Variants in RABGAP1L observed in about 807,000 individuals in gnomAD.
The protein encoded by RABGAP1L is rab GTPase-activating protein 1-like.
A neutral mutation model predicts 137.7 loss-of-function variants in RABGAP1L; 63 were observed. The ratio of observed to expected loss-of-function variants is 0.46; its 90% confidence interval spans 0.37 to 0.56. The LOEUF (loss-of-function observed/expected upper bound fraction) is 0.56, where lower values mean the gene tolerates loss of function less well. Among genes scored for constraint, RABGAP1L ranks in the 20% least tolerant of loss-of-function variants. The probability of loss-of-function intolerance (pLI) is 0.00; values close to 1 mark genes in which losing one functional copy is unlikely to be tolerated. For synonymous variants in RABGAP1L, 431 were observed against 433.7 expected, an observed-to-expected ratio of 0.99 and a Z score of 0.08; for missense variants, 1,095 against 1,244.0, an observed-to-expected ratio of 0.88 and a Z score of 1.80.
intron 18 of RABGAP1L, among the ~76,000 whole-genome samples, chr1:174,797,049 G>T (rs1474019037): frequency 1.3e-5 from 2 of 151,916 alleles, no homozygotes; most frequent in Non-Finnish European, 2.9e-5. Context: ...TTAATACATA[G>T]TATATATGAT....
intron 12 of RABGAP1L, among the ~76,000 whole-genome samples, chr1:174,375,769 G>A (rs755192467): frequency 3.9e-5 from 6 of 151,904 alleles, no homozygotes; most frequent in Non-Finnish European, 8.8e-5. Context: ...AAATATTTAA[G>A]AAAAAAATAA....
At chr1:174,791,423 A>G (rs1687853200) in intron 18 of RABGAP1L, among the ~76,000 whole-genome samples, 2 of 152,226 alleles carry the variant, frequency 1.3e-5, no homozygotes, top group South Asian at 4.1e-4. Flanking sequence ...GGAAGAAGGT[A>G]GAGACAATTC....
chr1:174,683,653 T>G (rs1174698686), intron 15 of RABGAP1L, 57 bp downstream of exon 15: 2 of 1,350,206 alleles, frequency 1.5e-6, no homozygotes, highest in African/African-American at 2.9e-5. Context: ...TTTTACTTTC[T>G]ACTGGCTTTG....
chr1:174,320,531 A>G (rs927527424), intron 11 of RABGAP1L, among the ~76,000 whole-genome samples: 1 of 152,192 alleles, frequency 6.6e-6, no homozygotes, highest in South Asian at 2.1e-4. Flanking sequence ...TGTTGCGGGA[A>G]GTCAGGGACC....
chr1:174,987,400 C>T (rs1415977063), intron 24 of RABGAP1L, among the ~76,000 whole-genome samples: 5 of 152,100 alleles, frequency 3.3e-5, no homozygotes, highest in African/African-American at 9.7e-5. Flanking sequence ...CTCTTGACCT[C>T]GTGATCCACC....
At chr1:174,988,600 T>C (rs1269371382) in intron 24 of RABGAP1L, 41 bp from the exon 25 acceptor site, 3 of 1,425,564 alleles carry the variant, frequency 2.1e-6, no homozygotes, top group Admixed American at 5.7e-5. Context: ...ATTTAGCCTA[T>C]GGAATAGTTT....
At chr1:174,289,752 T>G (rs1558103291) in intron 10 of RABGAP1L, among the ~76,000 whole-genome samples, 1 of 152,132 alleles carries the variant, frequency 6.6e-6, no homozygotes, top group Non-Finnish European at 1.5e-5. Context: ...GCTCTAAGGT[T>G]GGGTGGAGCT....
intron 19 of RABGAP1L, among the ~76,000 whole-genome samples, chr1:174,839,028 CGT>C (rs71726767): frequency 0.014 from 1,768 of 130,058 alleles, 34 homozygotes; most frequent in Non-Finnish European, 0.018. Context: ...AACTTTTTTA[CGT>C]GTGTGTGTGT....
intron 17 of RABGAP1L, among the ~76,000 whole-genome samples, chr1:174,724,568 T>C (rs1005138428): frequency 4.6e-5 from 7 of 152,200 alleles, no homozygotes; most frequent in African/African-American, 1.4e-4. Context: ...ACCAGAGATA[T>C]TCACTGAAAG....
intron 11 of RABGAP1L, among the ~76,000 whole-genome samples, chr1:174,349,268 C>A (rs1400171752): frequency 7.2e-6 from 1 of 138,128 alleles, no homozygotes; most frequent in Non-Finnish European, 1.6e-5. Flanking sequence ...GGCGGCTGGC[C>A]GGGCAGAGGG....
At chr1:174,496,484 T>A (rs1660742155) in intron 13 of RABGAP1L, among the ~76,000 whole-genome samples, 1 of 152,152 alleles carries the variant, frequency 6.6e-6, no homozygotes. Context: ...GGCCAAAGCC[T>A]ATAAACAGAG....
chr1:174,368,294 G>A lies in RABGAP1L; in HGVS notation c.1466-2685G>A, dbSNP rs1684819699. 2.0e-5 allele frequency among the ~76,000 whole-genome samples: 3 copies of A among 152,318 alleles called. No individual in the cohort carries two copies. In the South Asian group the frequency reaches 6.2e-4, roughly 32 times the overall value. On this transcript the variant is annotated intron_variant, in intron 11 of 25. Transcript: ENST00000681986. ...ATAGTTCAGTTTCTTACTATTACAA[G>A]CAGTGATACACTAAGAATCCTGTTA...
At chr1:174,717,912 T>A (rs1681156500) in intron 17 of RABGAP1L, among the ~76,000 whole-genome samples, 1 of 152,326 alleles carries the variant, frequency 6.6e-6, no homozygotes, top group East Asian at 1.9e-4. Context: ...CAAGTAATTC[T>A]TTTCTCCAAA....
chr1:174,919,019 C>CT (rs778211199), intron 19 of RABGAP1L, among the ~76,000 whole-genome samples: 171 of 134,734 alleles, frequency 1.3e-3, no homozygotes, highest in Middle Eastern at 4.0e-3. Flanking sequence ...TGTCTTTTTT[C>CT]TTTTTTTTTT....
chr1:174,942,102 T>C (rs917113689), intron 19 of RABGAP1L, among the ~76,000 whole-genome samples: 24 of 152,160 alleles, frequency 1.6e-4, no homozygotes, highest in African/African-American at 5.1e-4. Flanking sequence ...TAATTCACTG[T>C]TCATAGTTCT....
intron 19 of RABGAP1L, among the ~76,000 whole-genome samples, chr1:174,956,918 G>C (rs1036758195): frequency 6.6e-6 from 1 of 152,002 alleles, no homozygotes; most frequent in Non-Finnish European, 1.5e-5. Flanking sequence ...AAAGTGCTGG[G>C]ATTACAGGCA....
At chr1:174,292,649 G>A (rs1306196439) in intron 10 of RABGAP1L, among the ~76,000 whole-genome samples, 1 of 151,826 alleles carries the variant, frequency 6.6e-6, no homozygotes, top group African/African-American at 2.4e-5. Flanking sequence ...AAACTGTTCA[G>A]ACTTATTTTA....
At chr1:174,404,332 GT>G (rs1354007561) in intron 13 of RABGAP1L, among the ~76,000 whole-genome samples, 1 of 152,108 alleles carries the variant, frequency 6.6e-6, no homozygotes, top group African/African-American at 2.4e-5. Flanking sequence ...GGCTTATGTA[GT>G]TTTTCAGCTT....
At chr1:174,335,693 C>T (rs1004751189) in intron 11 of RABGAP1L, among the ~76,000 whole-genome samples, 2 of 152,172 alleles carry the variant, frequency 1.3e-5, no homozygotes, top group African/African-American at 4.8e-5. Flanking sequence ...TGCATTTATA[C>T]TTGTAACATG....
Sources: allele counts gnomAD v4.1 joint callset (sites outside exome capture counted in the v4.1 genomes callset), GRCh38; gene constraint gnomAD v4.1.1; transcripts MANE v1.5; gene names NCBI Gene and HGNC (gene_info 2026-07-23, HGNC 2026-07-21).